Variants in CNBD1 observed in about 807,000 individuals in gnomAD.
CNBD1 encodes the protein cyclic nucleotide-binding domain-containing protein 1.
CNBD1 carries 71 observed loss-of-function variants against 54.4 expected under a neutral mutation model. That is an observed-to-expected ratio of 1.30 (90% CI 1.08 to 1.59). CNBD1 has a LOEUF of 1.59. CNBD1 is among the 40% of genes most tolerant of loss of function. The probability of loss-of-function intolerance (pLI) is 0.00; values close to 1 mark genes in which losing one functional copy is unlikely to be tolerated. For missense variants in CNBD1, 659 were observed against 518.0 expected (o/e 1.27, Z -2.64); for synonymous variants, 182 against 170.7 (o/e 1.07, Z -0.51).
chr8:87,268,323 T>C (rs938554462), intron 6 of CNBD1, among the ~76,000 whole-genome samples: 1 of 152,194 alleles, frequency 6.6e-6, no homozygotes, highest in Admixed American at 6.6e-5. Context: ...ATGGTGTATA[T>C]GTACCACATT....
chr8:87,011,197 A>C (rs1256030843), intron 4 of CNBD1, among the ~76,000 whole-genome samples: 4 of 138,350 alleles, frequency 2.9e-5, no homozygotes, highest in African/African-American at 1.1e-4. Context: ...TTTTTTTTTC[A>C]GTCCCTAAAT....
At chr8:87,370,426 G>C (rs1445035077) in intron 10 of CNBD1, among the ~76,000 whole-genome samples, 1 of 152,038 alleles carries the variant, frequency 6.6e-6, no homozygotes, top group Non-Finnish European at 1.5e-5. Context: ...ATTCTAACTG[G>C]TGTGAGATGG....
chr8:87,359,304 T>A (rs916148532), intron 10 of CNBD1, among the ~76,000 whole-genome samples: 1 of 152,108 alleles, frequency 6.6e-6, no homozygotes, highest in Non-Finnish European at 1.5e-5. Context: ...CATTTTAAAT[T>A]CATTCCATAG....
chr8:87,389,955 C>A (rs996941141), intron 2 of CNBD1, among the ~76,000 whole-genome samples: 2 of 152,060 alleles, frequency 1.3e-5, no homozygotes, highest in African/African-American at 2.4e-5. Flanking sequence ...ATATCTACAA[C>A]AATCTGATCT....
At chr8:87,087,565 G>C (rs1249859228) in intron 4 of CNBD1, among the ~76,000 whole-genome samples, 2 of 148,974 alleles carry the variant, frequency 1.3e-5, no homozygotes, top group African/African-American at 5.0e-5. Context: ...CCGGGTTCAC[G>C]CCATTCTCCT....
intron 4 of CNBD1, among the ~76,000 whole-genome samples, chr8:87,203,508 A>C (rs1181669299): frequency 6.6e-6 from 1 of 152,216 alleles, no homozygotes; most frequent in East Asian, 1.9e-4. Context: ...TGACAACAGA[A>C]TGATTCTGAA....
At chr8:87,013,715 G>C (rs1306138019) in intron 4 of CNBD1, among the ~76,000 whole-genome samples, 1 of 150,154 alleles carries the variant, frequency 6.7e-6, no homozygotes, top group East Asian at 2.0e-4. Context: ...GGATCTTTGT[G>C]TTTGTATGTG....
chr8:86,992,082 G>C (rs1206733720), intron 4 of CNBD1, among the ~76,000 whole-genome samples: 2 of 152,098 alleles, frequency 1.3e-5, no homozygotes, highest in African/African-American at 4.8e-5. Context: ...TTCTGCCTCA[G>C]TGTTCTGTGT....
At chr8:87,110,828 T>C (rs1811647037) in intron 4 of CNBD1, among the ~76,000 whole-genome samples, 1 of 152,260 alleles carries the variant, frequency 6.6e-6, no homozygotes, top group Non-Finnish European at 1.5e-5. Flanking sequence ...AAACTGTTTT[T>C]AATTCCCCTT....
At chr8:87,399,138 C>T (rs536292006) in intron 2 of CNBD1, among the ~76,000 whole-genome samples, 2 of 152,174 alleles carry the variant, frequency 1.3e-5, no homozygotes, top group South Asian at 4.1e-4. Context: ...ATTTCAGTTA[C>T]TCTACCAGTT....
At chr8:87,011,979 A>G (rs1809232068) in intron 4 of CNBD1, among the ~76,000 whole-genome samples, 1 of 152,102 alleles carries the variant, frequency 6.6e-6, no homozygotes, top group Non-Finnish European at 1.5e-5. Context: ...ATACAAAACA[A>G]TTTACATTTT....
At chr8:86,926,047 A>G (rs183225885) in intron 3 of CNBD1, among the ~76,000 whole-genome samples, 7 of 152,196 alleles carry the variant, frequency 4.6e-5, no homozygotes, top group African/African-American at 1.7e-4. Flanking sequence ...GTCCTATCAG[A>G]GTGCGCTTTT....
At chr8:87,386,928 C>A (rs545568298), downstream of CNBD1, among the ~76,000 whole-genome samples, 3 of 152,184 alleles carry the variant, frequency 2.0e-5, no homozygotes, top group Admixed American at 6.5e-5. Context: ...ACTCTGCAAG[C>A]CAGAAGAGAG....
At chr8:87,218,514 C>T (rs1158253627) in intron 5 of CNBD1, among the ~76,000 whole-genome samples, 2 of 151,860 alleles carry the variant, frequency 1.3e-5, no homozygotes, top group Non-Finnish European at 2.9e-5. Context: ...GTCTATTATG[C>T]CTGGTAAAGG....
intron 4 of CNBD1, among the ~76,000 whole-genome samples, chr8:86,959,255 A>T (rs1056981545): frequency 1.3e-5 from 2 of 152,120 alleles, no homozygotes; most frequent in African/African-American, 4.8e-5. Context: ...TGGGTAACCC[A>T]ACCTTTCTCT....
intron 4 of CNBD1, among the ~76,000 whole-genome samples, chr8:87,102,718 G>A (rs1044138356): frequency 2.0e-5 from 3 of 152,010 alleles, no homozygotes; most frequent in East Asian, 1.9e-4. Context: ...GGTTCACGCC[G>A]TTCTCTTGCC....
In CNBD1 at chr8:87,176,074, G is replaced by A. The variant is rs144081905; in HGVS notation, c.432-29919G>A. On this transcript the variant is annotated intron_variant, in intron 4 of 10. Transcript: ENST00000518476. ...CCAAGTGCAGTGATGCCACGTGACC[G>A]CTGCAGGGGCAGGGTGGGTGATGGG... 1.5e-3 allele frequency among the ~76,000 whole-genome samples: 223 copies of A among 152,344 alleles called. 2 individuals carry two copies. The highest frequency in any genetic ancestry group is 4.9e-3 in the African/African-American group (203 of 41,594).
At chr8:87,210,436 A>C (rs1183242938) in intron 5 of CNBD1, among the ~76,000 whole-genome samples, 1 of 152,196 alleles carries the variant, frequency 6.6e-6, no homozygotes, top group Non-Finnish European at 1.5e-5. Context: ...AGTGGGAAAA[A>C]GGCTTCAAAG....
At chr8:87,047,399 T>A (rs1048996787) in intron 4 of CNBD1, among the ~76,000 whole-genome samples, 1 of 152,192 alleles carries the variant, frequency 6.6e-6, no homozygotes, top group Middle Eastern at 3.2e-3. Context: ...TTCAGTGTTA[T>A]TAAACTGAGC....
Sources: allele counts gnomAD v4.1 joint callset (sites outside exome capture counted in the v4.1 genomes callset), GRCh38; gene constraint gnomAD v4.1.1; transcripts MANE v1.5; gene names NCBI Gene and HGNC (gene_info 2026-07-23, HGNC 2026-07-21).